The following CTBP1 variants were observed in gnomAD, a reference collection of about 807,000 sequenced individuals.
CTBP1 encodes C-terminal binding protein 1, also known as C-terminal-binding protein 1.
Under a neutral mutation model 42.1 loss-of-function variants are expected in CTBP1, and 11 were observed. That is an observed-to-expected ratio of 0.26 (90% CI 0.16 to 0.43). CTBP1 has a LOEUF of 0.43. Ranked by LOEUF, CTBP1 falls within the 20% of genes least tolerant of loss-of-function variation. CTBP1 has a pLI of 1.00. For missense variants in CTBP1, 399 were observed against 624.3 expected, an observed-to-expected ratio of 0.64 and a Z score of 3.85; for synonymous variants, 324 against 277.1, an observed-to-expected ratio of 1.17 and a Z score of -1.68.
At chr4:1,225,308 G>A (rs1007348311) in intron 5 of CTBP1, 52 bp downstream of exon 5, 100 of 1,503,230 alleles carry the variant, frequency 6.7e-5, no homozygotes, top group South Asian at 1.5e-4. Context: ...GCTGAAGAGC[G>A]GCAGCGCCAG....
rs1387325346 is a variant in CTBP1, at chr4:1,216,105, C to T, written c.615G>A (p.Gly205=). 1.9e-6 allele frequency: 3 copies of T among 1,611,272 alleles called. No homozygotes were observed. In the African/African-American group the frequency reaches 4.0e-5, roughly 22 times the overall value. ...CCTGCAGGGTGCTGACACGCTGCAGCCCCAGCGCCCGCTCCACGCCATCCG... is the reference window on the plus strand; with the variant it reads ...CCTGCAGGGTGCTGACACGCTGCAGTCCCAGCGCCCGCTCCACGCCATCCG... The part of the protein sequence containing the change: ...YLSDGVERAL[G]LQRVSTLQDL... The change falls in exon 6 of 10, where the codon GGG becomes GGA. Residue 205 remains glycine, a synonymous_variant. Coordinates refer to ENST00000382952, the MANE Select transcript of CTBP1 (RefSeq NM_001012614.2).
intron 5 of CTBP1, 164 bp from the exon 6 acceptor site, chr4:1,216,369 G>A (rs910554457): frequency 1.9e-5 from 13 of 684,748 alleles, no homozygotes; most frequent in African/African-American, 9.0e-5. Flanking sequence ...CCACACGAGC[G>A]CTCCACGTCC....
In CTBP1 at chr4:1,238,589, C is replaced by T. The variant is rs1560275471; in HGVS notation, c.8-252G>A. Among the ~76,000 whole-genome samples the T allele has an allele frequency of 6.6e-6, 1 of 151,912 alleles. No homozygotes were observed. Among genetic ancestry groups the T allele is most frequent in the Non-Finnish European group, 1.5e-5 (1 of 67,986 alleles). ...CCATCTCCCTTGGGCACAGGACCTC[C>T]GAGACCCTCCAAGTCCCCTCCGAGA... On this transcript the variant is annotated intron_variant, in intron 2 of 9. Coordinates refer to ENST00000382952, the MANE Select transcript of CTBP1 (RefSeq NM_001012614.2). The surrounding 1 kb of genome is among the most constrained non-coding windows in gnomAD (Gnocchi z 5.9).
In CTBP1 at chr4:1,249,071, G is replaced by C; in HGVS notation, c.-344C>G. 1 of 363,726 alleles carries C rather than the reference G, an allele frequency of 2.7e-6. No homozygotes were observed. Among genetic ancestry groups the C allele is most frequent in the Non-Finnish European group, 3.8e-6 (1 of 265,270 alleles). The allele number at this position is 363,726 out of a possible 1,614,324, so 22.5% of individuals were successfully genotyped here. On this transcript the variant is annotated 5_prime_UTR_variant, in exon 1 of 10. Coordinates refer to ENST00000382952, the MANE Select transcript of CTBP1 (RefSeq NM_001012614.2). ...TGCTCCGCCCGCCCGCCTGCGCCTG[G>C]CCGCCGCCGTGCCGAGTCTCCGCCG...
chr4:1,217,767 A>C (rs1483147494), intron 5 of CTBP1: 1 of 152,256 alleles, frequency 6.6e-6, no homozygotes. Flanking sequence ...ATGCAGGTGA[A>C]GAGACAGGAG....
In CTBP1 at chr4:1,212,058, C is replaced by T. The variant is rs1421556763; in HGVS notation, c.*182G>A. 3 of 442,802 alleles carry T rather than the reference C, an allele frequency of 6.8e-6. No homozygotes were observed. Among genetic ancestry groups the T allele is most frequent in the Non-Finnish European group, 1.2e-5 (3 of 254,148 alleles). The allele number at this position is 442,802 out of a possible 1,614,324, so 27.4% of individuals were successfully genotyped here. On this transcript the variant is annotated 3_prime_UTR_variant, in exon 10 of 10. Transcript: ENST00000382952. ...GGAACGCGAAGGACACAGGGCAGAG[C>T]GCCCACAGGACGGACGACGACAAGC...
intron 5 of CTBP1, chr4:1,218,721 G>GT (rs2108727423): frequency 6.6e-6 from 1 of 152,360 alleles, no homozygotes; most frequent in African/African-American, 2.4e-5. Flanking sequence ...GTCTTCACAG[G>GT]TTATGCTGGG....
At chr4:1,241,271 G>A (rs199688771) in intron 2 of CTBP1, 54 bp downstream of exon 2, 8 of 786,226 alleles carry the variant, frequency 1.0e-5, no homozygotes, top group Admixed American at 5.1e-5. Context: ...CCACACGGTC[G>A]CAAAGAGACC....
At position 1,212,779 on chromosome 4, in the gene CTBP1, G is replaced by A. The variant is rs921359628; in HGVS notation, c.1106+134C>T. ...TCTCATGGGCCTTTCAGGTGAGGTTGGCCTTACCAATTCTACCCAGATCCT... is the reference window on the plus strand; with the variant it reads ...TCTCATGGGCCTTTCAGGTGAGGTTAGCCTTACCAATTCTACCCAGATCCT... On this transcript the variant is annotated intron_variant, in intron 9 of 9. Coordinates refer to ENST00000382952, the MANE Select transcript of CTBP1 (RefSeq NM_001012614.2). 23 of 760,954 alleles carry A rather than the reference G, an allele frequency of 3.0e-5. No individual in the cohort carries two copies. In the African/African-American group the frequency reaches 3.1e-4, roughly 10 times the overall value. 47.1% of individuals were successfully genotyped at this position (760,954 alleles called of 1,614,324 possible).
intron 1 of CTBP1, among the ~76,000 whole-genome samples, chr4:1,246,342 C>T (rs750786032): frequency 1.6e-4 from 25 of 152,314 alleles, no homozygotes; most frequent in Admixed American, 2.6e-4. Flanking sequence ...TATGACACTG[C>T]CTGCTGCCTC....
intron 5 of CTBP1, chr4:1,223,525 G>A (rs1384685798): frequency 4.4e-6 from 2 of 455,804 alleles, no homozygotes; most frequent in East Asian, 7.0e-5. Context: ...GGATGTTTGG[G>A]AAGCGGGGGG....
At chr4:1,218,398 C>T (rs1250091) in intron 5 of CTBP1, 42,250 of 151,130 alleles carry the variant, frequency 0.28, 6,505 homozygotes, top group Middle Eastern at 0.39. Flanking sequence ...AGCGAGACTA[C>T]CTTCCACAAA....
intron 1 of CTBP1, among the ~76,000 whole-genome samples, chr4:1,246,503 C>T (rs866053582): frequency 3.9e-5 from 6 of 152,334 alleles, no homozygotes; most frequent in South Asian, 2.1e-4. Flanking sequence ...AGGGCACACA[C>T]CTTTGACTTG....
At position 1,241,363 on chromosome 4, in the gene CTBP1, G is replaced by A. The variant is rs1044723480; in HGVS notation, c.-32C>T. 3 of 1,028,780 alleles carry A rather than the reference G, an allele frequency of 2.9e-6. No homozygotes were observed. The highest frequency in any genetic ancestry group is 1.6e-5 in the African/African-American group (1 of 63,704). The allele number at this position is 1,028,780 out of a possible 1,614,324, so 63.7% of individuals were successfully genotyped here. On this transcript the variant is annotated 5_prime_UTR_variant, in exon 2 of 10. Coordinates refer to ENST00000382952, the MANE Select transcript of CTBP1 (RefSeq NM_001012614.2). ...ATATGGGCTCAGCTTCCACGACCAT[G>A]AATTCGACTTTTCAAAGCTTTTTAT...
intron 1 of CTBP1, 189 bp downstream of exon 1, chr4:1,248,727 G>T (rs1375884722): frequency 2.0e-5 from 20 of 981,128 alleles, no homozygotes; most frequent in Non-Finnish European, 2.3e-5. Flanking sequence ...CCGCGCATGC[G>T]CAAGACCCTT....
At chr4:1,231,118 T>C (rs1730922872) in intron 3 of CTBP1, 1 of 152,288 alleles carries the variant, frequency 6.6e-6, no homozygotes, top group Non-Finnish European at 1.5e-5. Context: ...CAGGTTGGCC[T>C]GTGCTCAGCT....
intron 1 of CTBP1, chr4:1,243,713 G>A (rs1453912057): frequency 1.0e-6 from 1 of 985,466 alleles, no homozygotes; most frequent in Non-Finnish European, 1.2e-6. Context: ...TTCCTGGCTG[G>A]CCGGTCAGGG....
intron 8 of CTBP1, 43 bp from the exon 9 acceptor site, chr4:1,213,073 G>A (rs372078683): frequency 1.9e-6 from 3 of 1,564,948 alleles, no homozygotes; most frequent in Non-Finnish European, 2.6e-6. Context: ...CTCTGAGGGG[G>A]CCCCAGGAGC....
intron 5 of CTBP1, chr4:1,216,801 G>C (rs544035309): frequency 6.2e-6 from 1 of 160,846 alleles, no homozygotes; most frequent in Admixed American, 5.7e-5. Flanking sequence ...CCCAGCACAG[G>C]AGCCGTGGAG....
Sources: gnomAD v4.1 joint callset for allele counts (sites outside exome capture counted in the v4.1 genomes callset) on GRCh38, gnomAD v4.1.1 for gene constraint, Gnocchi (gnomAD v3.1) non-coding constraint, MANE v1.5 for transcripts, NCBI Gene and HGNC (gene_info 2026-07-23, HGNC 2026-07-21) for gene names.